HS3ST5: variants seen among roughly 807,000 people sequenced by gnomAD.
HS3ST5 encodes heparan sulfate-glucosamine 3-sulfotransferase 5.
A neutral mutation model predicts 25.4 loss-of-function variants in HS3ST5; 10 were observed. That is an observed-to-expected ratio of 0.39 (90% CI 0.24 to 0.67). The LOEUF is 0.67. HS3ST5 is among the 30% of genes least tolerant of loss of function. The probability of loss-of-function intolerance (pLI) is 0.44; values close to 1 mark genes in which losing one functional copy is unlikely to be tolerated. For synonymous variants in HS3ST5, 170 were observed against 162.4 expected (o/e 1.05, Z -0.36); for missense variants, 324 against 420.7 (o/e 0.77, Z 2.01).
chr6:114,179,236 G>GT (rs1193429047), intron 2 of HS3ST5: 1 of 152,166 alleles, frequency 6.6e-6, no homozygotes, highest in Non-Finnish European at 1.5e-5. Flanking sequence ...CTGGCAGATA[G>GT]TAAGCAAGCA....
At chr6:114,144,368 AT>A (rs5879249) in intron 3 of HS3ST5, among the ~76,000 whole-genome samples, 32,475 of 152,096 alleles carry the variant, frequency 0.21, 3,571 homozygotes, top group Middle Eastern at 0.3. Context: ...TTGTTCAAAG[AT>A]TGAAATTTCA....
intron 3 of HS3ST5, among the ~76,000 whole-genome samples, chr6:114,120,822 A>AT (rs775019084): frequency 5.3e-5 from 8 of 152,284 alleles, no homozygotes; most frequent in Non-Finnish European, 8.8e-5. Context: ...GAAATTTCTT[A>AT]TTTTTAAGAG....
At chr6:114,094,129 A>G (rs1775295794) in intron 3 of HS3ST5, among the ~76,000 whole-genome samples, 1 of 152,216 alleles carries the variant, frequency 6.6e-6, no homozygotes, top group Non-Finnish European at 1.5e-5. Flanking sequence ...GATGAGGTAG[A>G]GCCAGTATTA....
At chr6:114,063,714 A>T (rs1481554714) in intron 3 of HS3ST5, among the ~76,000 whole-genome samples, 2 of 152,270 alleles carry the variant, frequency 1.3e-5, no homozygotes, top group Admixed American at 1.3e-4. Flanking sequence ...AATCGAAGTG[A>T]TACTTACTGA....
intron 3 of HS3ST5, among the ~76,000 whole-genome samples, chr6:114,075,683 A>G (rs1159747227): frequency 6.6e-6 from 1 of 152,162 alleles, no homozygotes; most frequent in African/African-American, 2.4e-5. Flanking sequence ...AGGATAGATT[A>G]CTTGTGTGGG....
intron 1 of HS3ST5, among the ~76,000 whole-genome samples, chr6:114,250,699 A>G (rs180796779): frequency 6.6e-6 from 1 of 152,350 alleles, no homozygotes; most frequent in African/African-American, 2.4e-5. Flanking sequence ...CTTGAATAAA[A>G]GTTTGCTTTT....
chr6:114,141,639 C>T (rs906656832), intron 3 of HS3ST5, among the ~76,000 whole-genome samples: 1 of 152,120 alleles, frequency 6.6e-6, no homozygotes, highest in Non-Finnish European at 1.5e-5. Context: ...CCAAGTATGA[C>T]AGTTTTAATT....
chr6:114,074,056 A>G (rs2114741216), intron 3 of HS3ST5, among the ~76,000 whole-genome samples: 1 of 152,280 alleles, frequency 6.6e-6, no homozygotes, highest in Middle Eastern at 3.4e-3. Flanking sequence ...CAGAGAACCA[A>G]CACCGCATGT....
At chr6:114,212,060 C>T (rs1344190824) in intron 2 of HS3ST5, among the ~76,000 whole-genome samples, 1 of 152,210 alleles carries the variant, frequency 6.6e-6, no homozygotes, top group Non-Finnish European at 1.5e-5. Flanking sequence ...CTATAACGGC[C>T]TCTCCTGGAT....
chr6:114,131,909 A>G lies in HS3ST5; in HGVS notation c.-33+36442T>C, dbSNP rs73767008. On this transcript the variant is annotated intron_variant, in intron 3 of 4. Coordinates refer to ENST00000312719, the MANE Select transcript of HS3ST5 (RefSeq NM_153612.4). Reference sequence around the variant, plus strand: ...CTGGTGCCAAGGGAGTGATTGTGGTATATGCTTCCATTTGGAAATTCCTCT... The same window carrying G: ...CTGGTGCCAAGGGAGTGATTGTGGTGTATGCTTCCATTTGGAAATTCCTCT... 3.9e-3 allele frequency among the ~76,000 whole-genome samples: 600 copies of G among 152,306 alleles called. 6 individuals are homozygous for G. The highest frequency in any genetic ancestry group is 0.014 in the African/African-American group (579 of 41,576).
intron 1 of HS3ST5, among the ~76,000 whole-genome samples, chr6:114,330,340 T>C (rs1352580235): frequency 6.6e-6 from 1 of 152,218 alleles, no homozygotes; most frequent in Non-Finnish European, 1.5e-5. Context: ...GAACTGTCTT[T>C]TGTATCAATG....
At chr6:114,136,402 T>C (rs1167279519) in intron 3 of HS3ST5, among the ~76,000 whole-genome samples, 1 of 152,172 alleles carries the variant, frequency 6.6e-6, no homozygotes, top group Non-Finnish European at 1.5e-5. Context: ...TCTTCATTTG[T>C]CTTCAGCCAT....
intron 3 of HS3ST5, among the ~76,000 whole-genome samples, chr6:114,127,617 T>C (rs1251411652): frequency 6.6e-5 from 10 of 152,048 alleles, no homozygotes; most frequent in Non-Finnish European, 5.9e-5. Flanking sequence ...TAACCACAGA[T>C]ACAAGCCATA....
intron 3 of HS3ST5, among the ~76,000 whole-genome samples, chr6:114,103,703 C>CTTTTTTTTT (rs34593869): frequency 7.8e-6 from 1 of 128,776 alleles, no homozygotes. Flanking sequence ...TTTTCTTCTT[C>CTTTTTTTTT]TTTTTTTTTT....
intron 1 of HS3ST5, among the ~76,000 whole-genome samples, chr6:114,324,720 C>A (rs1023435210): frequency 6.6e-6 from 1 of 152,220 alleles, no homozygotes; most frequent in Non-Finnish European, 1.5e-5. Flanking sequence ...GGTACCATCA[C>A]TGTATAGTGG....
At chr6:114,308,409 C>T (rs1775388369) in intron 1 of HS3ST5, among the ~76,000 whole-genome samples, 1 of 152,074 alleles carries the variant, frequency 6.6e-6, no homozygotes, top group African/African-American at 2.4e-5. Flanking sequence ...CACAGTGAAA[C>T]CCCGTCTCTA....
chr6:114,310,346 A>C (rs1775476864), intron 1 of HS3ST5, among the ~76,000 whole-genome samples: 1 of 152,012 alleles, frequency 6.6e-6, no homozygotes. Flanking sequence ...GGGATTCTAG[A>C]TTTTTTTTCA....
At chr6:114,059,332 G>C (rs981487565) in intron 4 of HS3ST5, 26 of 152,154 alleles carry the variant, frequency 1.7e-4, no homozygotes, top group Admixed American at 1.5e-3. Context: ...TCTTACACTT[G>C]AAAGCTTCCA....
chr6:114,312,813 C>T (rs964365922), intron 1 of HS3ST5, among the ~76,000 whole-genome samples: 1 of 151,670 alleles, frequency 6.6e-6, no homozygotes, highest in Non-Finnish European at 1.5e-5. Flanking sequence ...GCAGATCACT[C>T]GAGGCCAGGA....
Sources: allele counts gnomAD v4.1 joint callset (sites outside exome capture counted in the v4.1 genomes callset), GRCh38; gene constraint gnomAD v4.1.1; transcripts MANE v1.5; gene names NCBI Gene and HGNC (gene_info 2026-07-23, HGNC 2026-07-21).